Variants in IRAK3 observed in about 807,000 individuals in gnomAD.
IRAK3 encodes the protein interleukin-1 receptor-associated kinase 3.
In IRAK3, 57 loss-of-function variants were observed where a neutral mutation model predicts 56.6. That is an observed-to-expected ratio of 1.01 (90% CI 0.81 to 1.26). The LOEUF is 1.26. IRAK3 is among the 50% of genes most tolerant of loss of function. IRAK3 has a pLI of 0.00. For synonymous variants in IRAK3, 258 were observed against 255.7 expected (o/e 1.01, Z -0.09); for missense variants, 703 against 719.0 (o/e 0.98, Z 0.25).
At chr12:66,189,571 C>T (rs2052379961) in intron 1 of IRAK3, 139 bp downstream of exon 1, 2 of 441,428 alleles carry the variant, frequency 4.5e-6, no homozygotes, top group Non-Finnish European at 6.3e-6. Context: ...AGCCGGCCCC[C>T]TCCTTTCCTG....
At chr12:66,238,926 C>T (rs1009023684) in intron 8 of IRAK3, among the ~76,000 whole-genome samples, 6 of 152,140 alleles carry the variant, frequency 3.9e-5, no homozygotes, top group Non-Finnish European at 7.4e-5. Context: ...ATATTCTTGG[C>T]CAAAGACCCT....
chr12:66,222,123 T>G (rs1414900856), intron 6 of IRAK3, among the ~76,000 whole-genome samples: 3 of 152,242 alleles, frequency 2.0e-5, no homozygotes, highest in African/African-American at 7.2e-5. Flanking sequence ...TCATGGATAT[T>G]GGCATATAAC....
At chr12:66,232,736 A>G (rs1398096037) in intron 8 of IRAK3, among the ~76,000 whole-genome samples, 1 of 152,110 alleles carries the variant, frequency 6.6e-6, no homozygotes, top group Non-Finnish European at 1.5e-5. Flanking sequence ...TGCCTTTGTC[A>G]TATTAATTTT....
chr12:66,223,097 A>G (rs560367793), intron 6 of IRAK3, among the ~76,000 whole-genome samples: 1 of 152,214 alleles, frequency 6.6e-6, no homozygotes, highest in Admixed American at 6.5e-5. Flanking sequence ...AGGAGAAGGA[A>G]TTTCACAAGG....
rs758922890 is a variant in IRAK3 at position 66,203,893 on chromosome 12, G to A, written c.316G>A (p.Gly106Arg). ...AGCTATTCATTTAATTACAAACTAT[G>A]GTAAATGCTGATTCTTATAATGTGG... is the stretch of plus-strand genomic sequence containing the variant. Reference protein sequence around the residue: ...RRAIHLITNYGAVLSPSEKSY... With the variant: ...RRAIHLITNYRAVLSPSEKSY... The change falls in exon 2 of 12, where the codon GGA becomes AGA. Residue 106 changes from glycine (G) to arginine (R), a missense_variant and splice_region_variant. By Grantham distance (125) the Gly-to-Arg change is moderately radical. Transcript: ENST00000261233. The A allele has an allele frequency of 1.3e-5, 21 of 1,610,772 alleles. No individual in the cohort carries two copies. The highest frequency in any genetic ancestry group is 1.8e-5 in the Non-Finnish European group (21 of 1,177,012).
rs2053008770 is a variant in IRAK3 at position 66,244,661 on chromosome 12, A to G, written c.1063A>G (p.Thr355Ala). Residue 355 changes from threonine (T) to alanine (A), a missense_variant, in exon 9 of 12, where the codon ACA becomes GCA. By Grantham distance (58) the Thr-to-Ala change is moderately conservative. Coordinates refer to ENST00000261233, the MANE Select transcript of IRAK3 (RefSeq NM_007199.3). Reference protein sequence around the residue: ...YIRQGKLSIKTDVYSFGIVIM... With the variant: ...YIRQGKLSIKADVYSFGIVIM... ...CAGACAGGGGAAACTTTCCATTAAA[A>G]CAGATGTCTACAGCTTTGGAATTGT... 1 of 1,613,748 alleles carries G rather than the reference A, an allele frequency of 6.2e-7. No individual in the cohort carries two copies. The highest frequency in any genetic ancestry group is 1.3e-5 in the African/African-American group (1 of 74,918).
chr12:66,202,876 A>G (rs1266371655), intron 1 of IRAK3, among the ~76,000 whole-genome samples: 4 of 152,038 alleles, frequency 2.6e-5, no homozygotes, highest in African/African-American at 9.7e-5. Context: ...GGACAAAGCT[A>G]GAATAATTTT....
intron 8 of IRAK3, among the ~76,000 whole-genome samples, chr12:66,229,357 A>G (rs1565808185): frequency 6.6e-6 from 1 of 152,176 alleles, no homozygotes; most frequent in Non-Finnish European, 1.5e-5. Context: ...TTTATCTTCA[A>G]CCTGTCCAAA....
chr12:66,247,090 C>T lies in IRAK3; in HGVS notation c.1315-605C>T, dbSNP rs747502227. 5.3e-5 allele frequency among the ~76,000 whole-genome samples: 8 copies of T among 151,920 alleles called. No individual in the cohort carries two copies. In the East Asian group the frequency reaches 7.7e-4, roughly 15 times the overall value. On this transcript the variant is annotated intron_variant, in intron 11 of 11. Transcript: ENST00000261233. Reference sequence around the variant, plus strand: ...TTTGAAACCAGCCTGGCCAACATGGCGAAACCCCATCTCTACTAAAAATAC... The same window carrying T: ...TTTGAAACCAGCCTGGCCAACATGGTGAAACCCCATCTCTACTAAAAATAC...
Position 66,220,669 on chromosome 12 carries a change from C to T in IRAK3, c.653+3434C>T, listed in dbSNP as rs550498291. Among the ~76,000 whole-genome samples, 18 of 150,886 alleles carry T rather than the reference C, an allele frequency of 1.2e-4. No individual in the cohort carries two copies. In the South Asian group the frequency reaches 1.3e-3, roughly 11 times the overall value. ...CCAAGTAGCTGGGACTACAGGCGCC[C>T]GCCACTACGCCCGGCTAATTTTTTG... On this transcript the variant is annotated intron_variant, in intron 6 of 11. Coordinates refer to ENST00000261233, the MANE Select transcript of IRAK3 (RefSeq NM_007199.3).
intron 8 of IRAK3, chr12:66,235,330 G>A (rs1371364998): frequency 1.1e-6 from 1 of 877,138 alleles, no homozygotes; most frequent in Admixed American, 5.6e-5. Flanking sequence ...GGGCAGCCTG[G>A]GCGCGGGGCA....
At chr12:66,198,824 T>A (rs552748731) in intron 1 of IRAK3, among the ~76,000 whole-genome samples, 1 of 151,686 alleles carries the variant, frequency 6.6e-6, no homozygotes, top group Non-Finnish European at 1.5e-5. Flanking sequence ...GGTGCAATCT[T>A]GGCTCACTGT....
At chr12:66,234,604 C>T in intron 8 of IRAK3, 1 of 1,611,692 alleles carries the variant, frequency 6.2e-7, no homozygotes. Flanking sequence ...GGTTCTGTCT[C>T]TTTTTCTGTC....
rs757039156 is a variant in IRAK3, at chr12:66,249,939, C to T, written c.*1768C>T. ...TATTCACAGGTTTCTGGAATTGGGA[C>T]GTGGACATCTTCGGGGGACCATTAC... On this transcript the variant is annotated 3_prime_UTR_variant, in exon 12 of 12. Transcript: ENST00000261233. The T allele has an allele frequency of 3.3e-5, 5 of 152,148 alleles. No homozygotes were observed. The highest frequency in any genetic ancestry group is 1.2e-4 in the African/African-American group (5 of 41,426). 9.4% of individuals were successfully genotyped at this position (152,148 alleles called of 1,614,324 possible).
intron 11 of IRAK3, among the ~76,000 whole-genome samples, chr12:66,247,017 C>A (rs2053039812): frequency 6.6e-6 from 1 of 152,166 alleles, no homozygotes; most frequent in African/African-American, 2.4e-5. Flanking sequence ...CGACTGTAAT[C>A]CCAGCACTTT....
At chr12:66,241,557 G>A (rs976020131) in intron 8 of IRAK3, among the ~76,000 whole-genome samples, 2 of 152,190 alleles carry the variant, frequency 1.3e-5, no homozygotes, top group Non-Finnish European at 2.9e-5. Context: ...GAAATTGATC[G>A]TTGAAGGGCC....
chr12:66,215,708 C>G (rs1227723947), intron 5 of IRAK3, among the ~76,000 whole-genome samples: 2 of 151,726 alleles, frequency 1.3e-5, no homozygotes, highest in African/African-American at 4.8e-5. Context: ...TTTTAACTTT[C>G]TCTTAAGGTG....
intron 7 of IRAK3, 129 bp from the exon 8 acceptor site, chr12:66,228,123 A>G: frequency 2.5e-6 from 2 of 794,462 alleles, no homozygotes; most frequent in Non-Finnish European, 4.6e-6. Context: ...TTGGAAAACC[A>G]AAACGTTGAT....
chr12:66,197,615 G>C (rs1389036088), intron 1 of IRAK3: 5 of 985,306 alleles, frequency 5.1e-6, no homozygotes, highest in Non-Finnish European at 6.0e-6. Context: ...CATGCAGGCA[G>C]TATTCATTTT....
Sources: gnomAD v4.1 joint callset for allele counts (sites outside exome capture counted in the v4.1 genomes callset) on GRCh38, gnomAD v4.1.1 for gene constraint, MANE v1.5 for transcripts, NCBI Gene and HGNC (gene_info 2026-07-23, HGNC 2026-07-21) for gene names.